The following NHSL3 variants were observed in gnomAD, a reference collection of about 807,000 sequenced individuals.
The protein encoded by NHSL3 is NHS like 3.
chr1:32,772,570 G>T, the NHSL3 span: 1 of 1,401,224 alleles, frequency 7.1e-7, no homozygotes, highest in Non-Finnish European at 9.4e-7. Flanking sequence ...GGAAGGGCAA[G>T]CTGTCACCCT....
the NHSL3 span, among the ~76,000 whole-genome samples, chr1:32,763,596 CAG>C: frequency 6.6e-6 from 1 of 152,156 alleles, no homozygotes; most frequent in African/African-American, 2.4e-5. Flanking sequence ...ATTTTTGAGA[CAG>C]AGTCTCACTC....
the NHSL3 span, chr1:32,772,470 C>T: frequency 6.6e-7 from 1 of 1,506,888 alleles, no homozygotes; most frequent in Non-Finnish European, 8.9e-7. Flanking sequence ...GGGTGAGGTC[C>T]CATTGCTGAT....
At chr1:32,770,564 G>A in the NHSL3 span, 1 of 1,524,572 alleles carries the variant, frequency 6.6e-7, no homozygotes. The surrounding 1 kb of genome is among the most constrained non-coding windows in gnomAD (Gnocchi z 8.3). Flanking sequence ...AGTGGGAGGG[G>A]CTCTCCCAGT....
chr1:32,748,908 T>C, the NHSL3 span, among the ~76,000 whole-genome samples: 8 of 152,226 alleles, frequency 5.3e-5, no homozygotes, highest in South Asian at 1.7e-3. Context: ...TGTGAGAGGA[T>C]AGACATTGTT....
the NHSL3 span, chr1:32,742,100 A>C: frequency 4.0e-6 from 5 of 1,251,242 alleles, no homozygotes; most frequent in Non-Finnish European, 5.0e-6. Flanking sequence ...CGCAAGAAGA[A>C]GGCGGCGGGG....
the NHSL3 span, chr1:32,742,024 A>C: frequency 8.0e-7 from 1 of 1,243,842 alleles, no homozygotes; most frequent in Non-Finnish European, 1.0e-6. Flanking sequence ...CCCCCCGCGC[A>C]GGAAGAAGTC....
At chr1:32,749,506 G>T in the NHSL3 span, among the ~76,000 whole-genome samples, 1 of 152,122 alleles carries the variant, frequency 6.6e-6, no homozygotes, top group African/African-American at 2.4e-5. Context: ...ACATACAGAT[G>T]GGGCAGCTGA....
chr1:32,765,647 G>C, the NHSL3 span: 1 of 1,532,260 alleles, frequency 6.5e-7, no homozygotes, highest in East Asian at 2.4e-5. Flanking sequence ...TGGAGCCGGT[G>C]CTCTGCGGCG....
At chr1:32,750,403 G>A in the NHSL3 span, among the ~76,000 whole-genome samples, 165 of 152,286 alleles carry the variant, frequency 1.1e-3, 1 homozygote, top group African/African-American at 3.6e-3. Flanking sequence ...AGCAAAGTGC[G>A]TGATTCCCAG....
the NHSL3 span, chr1:32,742,101 G>T: frequency 8.0e-7 from 1 of 1,250,864 alleles, no homozygotes; most frequent in African/African-American, 1.6e-5. Flanking sequence ...GCAAGAAGAA[G>T]GCGGCGGGGG....
chr1:32,752,184 T>C, the NHSL3 span, among the ~76,000 whole-genome samples: 8 of 152,160 alleles, frequency 5.3e-5, no homozygotes, highest in African/African-American at 1.9e-4. Flanking sequence ...TATGGGTGAA[T>C]AACTTGCCAG....
At chr1:32,755,010 G>A in the NHSL3 span, among the ~76,000 whole-genome samples, 4 of 151,722 alleles carry the variant, frequency 2.6e-5, no homozygotes, top group South Asian at 6.3e-4. Context: ...CGCAGCCCTT[G>A]CCGGCTGCTG....
At chr1:32,772,044 G>A in the NHSL3 span, 154 of 1,607,752 alleles carry the variant, frequency 9.6e-5, no homozygotes, top group Non-Finnish European at 1.2e-4. Flanking sequence ...CCAACGGACC[G>A]CCTGAGGCAG....
the NHSL3 span, among the ~76,000 whole-genome samples, chr1:32,766,924 G>A: frequency 0.14 from 20,913 of 152,142 alleles, 1,795 homozygotes; most frequent in South Asian, 0.23. Context: ...AGGGCCTCCA[G>A]GAGAGGGGGA....
the NHSL3 span, among the ~76,000 whole-genome samples, chr1:32,754,640 A>T: frequency 3.9e-5 from 6 of 152,230 alleles, no homozygotes; most frequent in Non-Finnish European, 7.4e-5. Flanking sequence ...AGGCACACAG[A>T]TGTACACACA....
chr1:32,754,782 G>A, the NHSL3 span, among the ~76,000 whole-genome samples: 1 of 152,176 alleles, frequency 6.6e-6, no homozygotes, highest in Admixed American at 6.5e-5. Flanking sequence ...TAGGAGGGAG[G>A]GGAGACAAAG....
chr1:32,751,549 C>T, the NHSL3 span, among the ~76,000 whole-genome samples: 4 of 152,070 alleles, frequency 2.6e-5, no homozygotes, highest in Non-Finnish European at 4.4e-5. Context: ...ATGGTGAACA[C>T]GGGGTGCAGG....
At chr1:32,752,925 A>C in the NHSL3 span, among the ~76,000 whole-genome samples, 1 of 6,232 alleles carries the variant, frequency 1.6e-4, no homozygotes, top group African/African-American at 2.8e-4. Context: ...ACACACACAC[A>C]CACACACACA....
At chr1:32,742,113 C>A in the NHSL3 span, 1 of 1,249,116 alleles carries the variant, frequency 8.0e-7, no homozygotes. Context: ...CGGCGGGGGC[C>A]GAGGGCGCCG....
Sources: allele counts gnomAD v4.1 joint callset (sites outside exome capture counted in the v4.1 genomes callset), GRCh38; gene constraint gnomAD v4.1.1; non-coding constraint Gnocchi (gnomAD v3.1); transcripts MANE v1.5; gene names NCBI Gene and HGNC (gene_info 2026-07-23, HGNC 2026-07-21).